FOXO3: variants seen among roughly 807,000 people sequenced by gnomAD.
The protein encoded by FOXO3 is forkhead box O3.
A neutral mutation model predicts 41.9 loss-of-function variants in FOXO3; 4 were observed. That is an observed-to-expected ratio of 0.10 (90% confidence interval 0.05 to 0.22). The LOEUF is 0.22. Among genes scored for constraint, FOXO3 ranks in the 10% least tolerant of loss-of-function variants. The pLI is 1.00. For synonymous variants in FOXO3, 318 were observed against 389.3 expected, an observed-to-expected ratio of 0.82 and a Z score of 2.16; for missense variants, 534 against 906.8, an observed-to-expected ratio of 0.59 and a Z score of 5.28.
intron 2 of FOXO3, among the ~76,000 whole-genome samples, chr6:108,679,081 C>T (rs926058910): frequency 6.6e-6 from 1 of 151,850 alleles, no homozygotes; most frequent in African/African-American, 2.4e-5. Flanking sequence ...CCATGTTAGC[C>T]AGGATGGTCT....
At chr6:108,583,921 C>G (rs995696027) in intron 1 of FOXO3, among the ~76,000 whole-genome samples, 2 of 151,762 alleles carry the variant, frequency 1.3e-5, no homozygotes, top group Non-Finnish European at 2.9e-5. Flanking sequence ...TGTTGGTCAC[C>G]CAGATGGTTG....
At chr6:108,592,464 T>C (rs1776754799) in intron 1 of FOXO3, among the ~76,000 whole-genome samples, 1 of 152,234 alleles carries the variant, frequency 6.6e-6, no homozygotes, top group Non-Finnish European at 1.5e-5. Context: ...TTAGGAGACT[T>C]TGCATCTCAT....
At chr6:108,560,845 G>A, upstream of FOXO3, 1 of 629,818 alleles carries the variant, frequency 1.6e-6, no homozygotes, top group Non-Finnish European at 2.3e-6. Context: ...CGGCTGGGCG[G>A]CGGGGGGAGG....
chr6:108,679,899 C>T lies in FOXO3; in HGVS notation c.*107C>T, dbSNP rs1163244127. 6.5e-6 allele frequency: 1 copy of T among 154,592 alleles called. No homozygotes were observed. The highest frequency in any genetic ancestry group is 1.9e-4 in the East Asian group (1 of 5,184). 9.6% of individuals were successfully genotyped at this position (154,592 alleles called of 1,614,324 possible). A position where few individuals can be genotyped will look rare whatever the true frequency, so the allele number is the denominator to read the frequency against. The stretch of plus-strand genomic sequence containing the variant: ...TGCTCTCAGCAAGTGGACAGTGATA[C>T]CGTTTACAGCTTAACACCTTTGTGA... On this transcript the variant is annotated 3_prime_UTR_variant, in exon 3 of 3. Transcript: ENST00000406360.
At chr6:108,644,172 G>C in intron 1 of FOXO3, among the ~76,000 whole-genome samples, 1 of 152,098 alleles carries the variant, frequency 6.6e-6, no homozygotes, top group East Asian at 1.9e-4. Context: ...TTAGGCCCTG[G>C]TGCAAACCTT....
chr6:108,623,417 G>A (rs966713881), intron 1 of FOXO3, among the ~76,000 whole-genome samples: 1 of 152,150 alleles, frequency 6.6e-6, no homozygotes, highest in African/African-American at 2.4e-5. Context: ...CAGTTTGGGT[G>A]GAGAAGCTTG....
intron 1 of FOXO3, among the ~76,000 whole-genome samples, chr6:108,582,337 G>A (rs1776443865): frequency 6.6e-6 from 1 of 152,200 alleles, no homozygotes; most frequent in Non-Finnish European, 1.5e-5. Flanking sequence ...TGTTGTTGTT[G>A]TCCCAGGAGG....
chr6:108,623,884 A>G (rs1582790236), intron 1 of FOXO3, among the ~76,000 whole-genome samples: 1 of 152,202 alleles, frequency 6.6e-6, no homozygotes, highest in Non-Finnish European at 1.5e-5. Context: ...ATACAGAACA[A>G]TCTGCAAGTT....
Position 108,682,662 on chromosome 6 carries a change from C to G in FOXO3, c.*2870C>G, listed in dbSNP as rs906831520. 2.0e-5 allele frequency: 3 copies of G among 152,200 alleles called. No individual in the cohort carries two copies. Among genetic ancestry groups the G allele is most frequent in the Non-Finnish European group, 4.4e-5 (3 of 68,072 alleles). 9.4% of individuals were successfully genotyped at this position (152,200 alleles called of 1,614,324 possible). On this transcript the variant is annotated 3_prime_UTR_variant, in exon 3 of 3. Coordinates refer to ENST00000406360, the MANE Select transcript of FOXO3 (RefSeq NM_001455.4). Reference sequence around the variant, plus strand: ...AGCCCTCTGCCCCTTATGTTGAGACCCTGCTTTCAGGACAGGCCAGCCGTT... The same window carrying G: ...AGCCCTCTGCCCCTTATGTTGAGACGCTGCTTTCAGGACAGGCCAGCCGTT...
chr6:108,580,376 C>CTA (rs1475169338), intron 1 of FOXO3, among the ~76,000 whole-genome samples: 1 of 151,912 alleles, frequency 6.6e-6, no homozygotes, highest in Non-Finnish European at 1.5e-5. Flanking sequence ...CGGGGTTTCA[C>CTA]TATGTTGGCC....
At chr6:108,587,723 C>T (rs1317721592) in intron 1 of FOXO3, among the ~76,000 whole-genome samples, 1 of 152,186 alleles carries the variant, frequency 6.6e-6, no homozygotes, top group Non-Finnish European at 1.5e-5. Flanking sequence ...AAACCCTTGG[C>T]AAAATGTTTA....
At chr6:108,579,686 A>G (rs1222371977) in intron 1 of FOXO3, among the ~76,000 whole-genome samples, 2 of 152,092 alleles carry the variant, frequency 1.3e-5, no homozygotes, top group Middle Eastern at 3.4e-3. Flanking sequence ...GGGCAAGGAG[A>G]GAGGGTATCT....
chr6:108,567,940 A>G (rs1456687300), intron 1 of FOXO3, among the ~76,000 whole-genome samples: 1 of 151,936 alleles, frequency 6.6e-6, no homozygotes, highest in Non-Finnish European at 1.5e-5. Context: ...CCCAGCTACT[A>G]GGGAGGCTGA....
intron 1 of FOXO3, among the ~76,000 whole-genome samples, chr6:108,616,729 A>G (rs1244282310): frequency 6.6e-6 from 1 of 152,228 alleles, no homozygotes; most frequent in Non-Finnish European, 1.5e-5. Context: ...TGCAACCACA[A>G]TCTAATTTTA....
chr6:108,564,590 C>T (rs1775904507), intron 1 of FOXO3, among the ~76,000 whole-genome samples: 1 of 152,094 alleles, frequency 6.6e-6, no homozygotes, highest in African/African-American at 2.4e-5. Flanking sequence ...CATTATGAGA[C>T]CTTGTAACCA....
chr6:108,562,851 C>G (rs778512911), intron 1 of FOXO3, among the ~76,000 whole-genome samples: 5 of 152,218 alleles, frequency 3.3e-5, no homozygotes, highest in Non-Finnish European at 7.3e-5. Flanking sequence ...TGCTGGGCTG[C>G]TGATATCCAG....
At chr6:108,577,764 C>T (rs555925982) in intron 1 of FOXO3, among the ~76,000 whole-genome samples, 2 of 152,156 alleles carry the variant, frequency 1.3e-5, no homozygotes, top group African/African-American at 2.4e-5. Context: ...CATTTCAGCC[C>T]TCTCCTCCAT....
chr6:108,573,141 G>A (rs1776155258), intron 1 of FOXO3, among the ~76,000 whole-genome samples: 1 of 152,092 alleles, frequency 6.6e-6, no homozygotes, highest in South Asian at 2.1e-4. Context: ...AAAAAAATTA[G>A]CTGGGTGTGG....
At chr6:108,621,786 A>G (rs1021951461) in intron 1 of FOXO3, among the ~76,000 whole-genome samples, 9 of 152,172 alleles carry the variant, frequency 5.9e-5, no homozygotes, top group Non-Finnish European at 8.8e-5. Flanking sequence ...GTCAGGCCAC[A>G]TAAGTACTTT....
Sources: gnomAD v4.1 joint callset for allele counts (sites outside exome capture counted in the v4.1 genomes callset) on GRCh38, gnomAD v4.1.1 for gene constraint, MANE v1.5 for transcripts, NCBI Gene and HGNC (gene_info 2026-07-23, HGNC 2026-07-21) for gene names.